The following TEX14 variants were observed in gnomAD, a reference collection of about 807,000 sequenced individuals.
The protein encoded by TEX14 is testis expressed 14, intercellular bridge forming factor.
TEX14 carries 168 observed loss-of-function variants against 178.6 expected under a neutral mutation model. The observed-to-expected ratio is 0.94, with a 90% CI of 0.83 to 1.07. The LOEUF is 1.07. TEX14 is among the 50% of genes least tolerant of loss of function. The pLI is 0.00. For missense variants in TEX14, 1,730 were observed against 1,753.6 expected, an observed-to-expected ratio of 0.99 and a Z score of 0.24; for synonymous variants, 626 against 634.1, an observed-to-expected ratio of 0.99 and a Z score of 0.19.
intron 20 of TEX14, among the ~76,000 whole-genome samples, chr17:58,578,406 GT>G (rs1318298175): frequency 6.6e-6 from 1 of 152,164 alleles, no homozygotes; most frequent in Non-Finnish European, 1.5e-5. Flanking sequence ...CTTGCTGAAG[GT>G]TATGCAGAAA....
At chr17:58,593,490 G>A in intron 15 of TEX14, 65 bp downstream of exon 15, 1 of 1,175,748 alleles carries the variant, frequency 8.5e-7, no homozygotes, top group Non-Finnish European at 1.3e-6. Context: ...ATCACTGAGT[G>A]GCCTCAGAGA....
At chr17:58,634,424 CAAAG>C (rs974833355) in intron 2 of TEX14, among the ~76,000 whole-genome samples, 4 of 151,988 alleles carry the variant, frequency 2.6e-5, no homozygotes, top group Non-Finnish European at 5.9e-5. Context: ...AATTAAAAAA[CAAAG>C]AAAGAAAGAA....
At chr17:58,585,712 C>A in intron 18 of TEX14, 89 bp downstream of exon 18, 1 of 1,429,714 alleles carries the variant, frequency 7.0e-7, no homozygotes, top group Non-Finnish European at 9.6e-7. Context: ...CGCCTCACCT[C>A]CCAAAGTGCT....
chr17:58,591,822 C>T (rs751069795), intron 15 of TEX14, among the ~76,000 whole-genome samples: 1 of 151,636 alleles, frequency 6.6e-6, no homozygotes, highest in Admixed American at 6.6e-5. Flanking sequence ...CTTTGGGAGG[C>T]TGAGGTGGGT....
At chr17:58,659,557 C>T (rs963544287) in intron 1 of TEX14, among the ~76,000 whole-genome samples, 1 of 152,170 alleles carries the variant, frequency 6.6e-6, no homozygotes, top group East Asian at 1.9e-4. Context: ...TGCTTCTGTA[C>T]GATCTGACTG....
At chr17:58,670,771 TTAAAAAAAA>T (rs1190508732) in intron 1 of TEX14, among the ~76,000 whole-genome samples, 8 of 7,954 alleles carry the variant, frequency 1.0e-3, no homozygotes, top group South Asian at 0.012. Context: ...AGACTCCCTC[TTAAAAAAAA>T]AAAAAAAAAA....
intron 5 of TEX14, among the ~76,000 whole-genome samples, chr17:58,618,306 T>C (rs550932810): frequency 1.3e-5 from 2 of 152,210 alleles, no homozygotes; most frequent in African/African-American, 4.8e-5. Flanking sequence ...TCTTGTCCAG[T>C]TTTTTCATTA....
At chr17:58,667,268 G>T (rs1322552825) in intron 1 of TEX14, among the ~76,000 whole-genome samples, 2 of 152,188 alleles carry the variant, frequency 1.3e-5, no homozygotes, top group East Asian at 3.8e-4. Flanking sequence ...GATCTGGACT[G>T]CAATATAGCG....
At chr17:58,668,704 A>T (rs774310710) in intron 1 of TEX14, among the ~76,000 whole-genome samples, 1 of 152,098 alleles carries the variant, frequency 6.6e-6, no homozygotes, top group Non-Finnish European at 1.5e-5. Context: ...TTTTATTTTT[A>T]TGCACACACA....
chr17:58,599,170 ATACT>A lies in TEX14; in HGVS notation c.2171_2174del (p.Glu724ValfsTer10). 1 of 1,614,040 alleles carries A rather than the reference ATACT, an allele frequency of 6.2e-7. No individual in the cohort carries two copies. The highest frequency in any genetic ancestry group is 1.1e-5 in the South Asian group (1 of 91,080). On this transcript the variant is annotated frameshift_variant, in exon 14 of 32. Transcript: ENST00000349033. LOFTEE classifies it high-confidence loss of function. ...GATCCAGCACACACTTACTGATGAG[ATACT>A]CCTCAGTCGTGGACATGTTGTTCAA...
chr17:58,660,133 G>A (rs2047077922), intron 1 of TEX14, among the ~76,000 whole-genome samples: 2 of 151,230 alleles, frequency 1.3e-5, no homozygotes, highest in South Asian at 2.1e-4. Flanking sequence ...GGCCAGGCGC[G>A]GTGGCTCACG....
At chr17:58,620,748 A>G (rs2045979771) in intron 5 of TEX14, among the ~76,000 whole-genome samples, 1 of 151,950 alleles carries the variant, frequency 6.6e-6, no homozygotes, top group African/African-American at 2.4e-5. Context: ...ACCCACCTCA[A>G]CCTCCAAAAG....
intron 12 of TEX14, among the ~76,000 whole-genome samples, 196 bp downstream of exon 12, chr17:58,602,204 A>C (rs768505446): frequency 5.3e-5 from 8 of 152,112 alleles, no homozygotes; most frequent in Non-Finnish European, 1.0e-4. Flanking sequence ...GAACCTCCCT[A>C]GCTCCCCTCC....
chr17:58,558,916 TC>T (rs2044213366), intron 30 of TEX14, among the ~76,000 whole-genome samples: 1 of 152,138 alleles, frequency 6.6e-6, no homozygotes, highest in Non-Finnish European at 1.5e-5. Context: ...ACACCTGTAA[TC>T]CCAGCACTTT....
At chr17:58,621,504 C>G in intron 5 of TEX14, 146 bp downstream of exon 5, 2 of 768,668 alleles carry the variant, frequency 2.6e-6, no homozygotes, top group Non-Finnish European at 2.0e-6. Context: ...CAAGGCCAAG[C>G]CTTTTCTTTC....
chr17:58,559,182 C>G (rs563701300), intron 30 of TEX14, among the ~76,000 whole-genome samples: 2 of 151,958 alleles, frequency 1.3e-5, no homozygotes, highest in South Asian at 2.1e-4. Context: ...AAAAAAGAAG[C>G]AGCAAAACGT....
chr17:58,657,333 C>T (rs867682805), intron 1 of TEX14, among the ~76,000 whole-genome samples: 1 of 151,558 alleles, frequency 6.6e-6, no homozygotes, highest in South Asian at 2.1e-4. Context: ...GTCTGTGTGT[C>T]AGGGGGTGGA....
rs2144471028 is a variant in TEX14, at chr17:58,599,538, T to C, written c.1807A>G (p.Met603Val). The C allele has an allele frequency of 6.2e-7, 1 of 1,613,976 alleles. No homozygotes were observed. The highest frequency in any genetic ancestry group is 1.7e-5 in the Admixed American group (1 of 59,978). ...NQDAPCPAPF[M>V]AEEASSPSTG... The stretch of plus-strand genomic sequence containing the variant: ...CTGGGGCTGCTGGCCTCTTCTGCCA[T>C]AAATGGAGCAGGGCAAGGAGCATCT... Residue 603 changes from methionine to valine, a missense_variant, in exon 14 of 32, where the codon ATG becomes GTG. By Grantham distance (21) the Met-to-Val change is conservative (BLOSUM62 1). Around this residue, in one of 2 missense-constraint regions of TEX14, gnomAD observed 941 missense variants for 1,072.4 expected, o/e 0.88. Coordinates refer to ENST00000349033, the MANE Select transcript of TEX14 (RefSeq NM_031272.5).
chr17:58,584,873 C>T (rs1260713534), intron 18 of TEX14, among the ~76,000 whole-genome samples: 3 of 152,144 alleles, frequency 2.0e-5, no homozygotes, highest in Non-Finnish European at 4.4e-5. Context: ...GATTTTCTGC[C>T]TAAGACAAAT....
Sources: allele counts gnomAD v4.1 joint callset (sites outside exome capture counted in the v4.1 genomes callset), GRCh38; gene constraint gnomAD v4.1.1; regional missense constraint gnomAD v4.1.1; transcripts MANE v1.5; gene names NCBI Gene and HGNC (gene_info 2026-07-23, HGNC 2026-07-21).